Variants in UVRAG observed in about 807,000 individuals in gnomAD.
The protein encoded by UVRAG is UV radiation resistance associated.
Under a neutral mutation model 78.0 loss-of-function variants are expected in UVRAG, and 19 were observed. That is an observed-to-expected ratio of 0.24 (90% CI 0.17 to 0.36). The LOEUF is 0.36. Among genes scored for constraint, UVRAG ranks in the 10% least tolerant of loss-of-function variants. The pLI is 1.00. For synonymous variants in UVRAG, 323 were observed against 324.6 expected, an observed-to-expected ratio of 1.00 and a Z score of 0.05; for missense variants, 740 against 853.8, an observed-to-expected ratio of 0.87 and a Z score of 1.66.
intron 13 of UVRAG, among the ~76,000 whole-genome samples, chr11:76,100,716 G>A (rs1029386085): frequency 6.6e-5 from 10 of 152,078 alleles, no homozygotes; most frequent in African/African-American, 2.4e-4. Context: ...CAAGTATTAA[G>A]CCTAGTACCC....
At chr11:75,846,045 A>G (rs1429865299) in intron 1 of UVRAG, among the ~76,000 whole-genome samples, 1 of 152,240 alleles carries the variant, frequency 6.6e-6, no homozygotes, top group Non-Finnish European at 1.5e-5. Context: ...GAACCGATTT[A>G]GATCATAAAA....
At chr11:76,059,888 A>G (rs777877151) in intron 12 of UVRAG, among the ~76,000 whole-genome samples, 2 of 152,244 alleles carry the variant, frequency 1.3e-5, no homozygotes, top group African/African-American at 2.4e-5. Context: ...CACATTTTCT[A>G]TAAATACGAA....
chr11:75,954,106 CTT>C (rs1403545842), intron 6 of UVRAG, among the ~76,000 whole-genome samples: 1 of 152,036 alleles, frequency 6.6e-6, no homozygotes. Flanking sequence ...ATACTTCAAA[CTT>C]TTATTCTCCT....
At chr11:75,976,633 A>T (rs1191160699) in intron 7 of UVRAG, among the ~76,000 whole-genome samples, 1 of 151,982 alleles carries the variant, frequency 6.6e-6, no homozygotes, top group Non-Finnish European at 1.5e-5. Context: ...TATTTCTTCT[A>T]GATTTTCTAG....
chr11:76,049,372 A>G (rs985341525), intron 12 of UVRAG, among the ~76,000 whole-genome samples: 2 of 152,234 alleles, frequency 1.3e-5, no homozygotes, highest in Admixed American at 1.3e-4. Context: ...ATTGGTATTG[A>G]CAATCTTTGC....
At chr11:75,945,400 C>T (rs1013811767) in intron 6 of UVRAG, among the ~76,000 whole-genome samples, 1 of 151,948 alleles carries the variant, frequency 6.6e-6, no homozygotes, top group Non-Finnish European at 1.5e-5. Context: ...TGGAGAAAGC[C>T]GGAAAACAAA....
chr11:75,882,123 C>G (rs1946959631), intron 4 of UVRAG, among the ~76,000 whole-genome samples: 2 of 152,254 alleles, frequency 1.3e-5, no homozygotes, highest in African/African-American at 4.8e-5. Flanking sequence ...CTATAAACAT[C>G]TTGATGCTTT....
chr11:75,896,935 A>G (rs1050692771), intron 5 of UVRAG, among the ~76,000 whole-genome samples: 5 of 152,214 alleles, frequency 3.3e-5, no homozygotes, highest in African/African-American at 4.8e-5. Context: ...AAGAGCTGTG[A>G]AGGTAAGTAT....
chr11:76,053,344 A>ACACACACACACACACACACACAC (rs60133924), intron 12 of UVRAG, among the ~76,000 whole-genome samples: 287 of 142,402 alleles, frequency 2.0e-3, no homozygotes, highest in African/African-American at 6.0e-3. Flanking sequence ...CACACACACA[A>ACACACACACACACACACACACAC]AAATAAATAT....
At chr11:75,926,122 C>T (rs1242469757) in intron 6 of UVRAG, among the ~76,000 whole-genome samples, 1 of 152,054 alleles carries the variant, frequency 6.6e-6, no homozygotes, top group African/African-American at 2.4e-5. Context: ...TGGAGACTTT[C>T]CTAATAGGCT....
At chr11:75,852,641 C>T (rs1047835233) in intron 2 of UVRAG, among the ~76,000 whole-genome samples, 3 of 152,130 alleles carry the variant, frequency 2.0e-5, no homozygotes, top group African/African-American at 4.8e-5. Flanking sequence ...AAAATACTTC[C>T]GTACTAGTTC....
At chr11:75,864,219 C>A (rs1229345931) in intron 3 of UVRAG, among the ~76,000 whole-genome samples, 3 of 152,092 alleles carry the variant, frequency 2.0e-5, no homozygotes, top group Non-Finnish European at 4.4e-5. Flanking sequence ...CCATGCCTGA[C>A]TAATTTTTGT....
At chr11:75,882,644 C>T (rs1946978070) in intron 4 of UVRAG, among the ~76,000 whole-genome samples, 1 of 151,670 alleles carries the variant, frequency 6.6e-6, no homozygotes, top group Non-Finnish European at 1.5e-5. Context: ...GAACTTATTC[C>T]TCCTATTTAA....
chr11:75,975,346 C>T (rs1294344690), intron 7 of UVRAG, among the ~76,000 whole-genome samples: 6 of 152,098 alleles, frequency 3.9e-5, no homozygotes, highest in African/African-American at 7.2e-5. Flanking sequence ...CTTGGCAATG[C>T]GGGCTCTTTT....
intron 3 of UVRAG, among the ~76,000 whole-genome samples, chr11:75,865,215 A>G (rs565822258): frequency 1.8e-3 from 250 of 138,582 alleles, no homozygotes; most frequent in Middle Eastern, 7.4e-3. Flanking sequence ...TGAACCTGAG[A>G]GGCGGAGGTT....
At chr11:76,130,550 G>A (rs1290450432) in intron 14 of UVRAG, among the ~76,000 whole-genome samples, 1 of 152,194 alleles carries the variant, frequency 6.6e-6, no homozygotes, top group Non-Finnish European at 1.5e-5. Context: ...TTACTAAACA[G>A]TAATTAAATT....
intron 4 of UVRAG, among the ~76,000 whole-genome samples, chr11:75,886,552 A>C (rs1203732039): frequency 6.6e-6 from 1 of 152,156 alleles, no homozygotes; most frequent in African/African-American, 2.4e-5. Context: ...CTCTTTTCCA[A>C]GGTGAAAAAC....
At chr11:75,975,841 A>G (rs1243036680) in intron 7 of UVRAG, among the ~76,000 whole-genome samples, 2 of 152,172 alleles carry the variant, frequency 1.3e-5, no homozygotes, top group Non-Finnish European at 2.9e-5. Flanking sequence ...CTCTTTTCCT[A>G]ATTGAATACC....
chr11:76,134,896 C>G (rs1565175105), intron 14 of UVRAG, among the ~76,000 whole-genome samples: 1 of 152,164 alleles, frequency 6.6e-6, no homozygotes, highest in Non-Finnish European at 1.5e-5. Flanking sequence ...CGTCTGTGGC[C>G]TGTTAAGAAC....
Sources: gnomAD v4.1 joint callset for allele counts (sites outside exome capture counted in the v4.1 genomes callset) on GRCh38, gnomAD v4.1.1 for gene constraint, MANE v1.5 for transcripts, NCBI Gene and HGNC (gene_info 2026-07-23, HGNC 2026-07-21) for gene names.